SCUBE1: variants seen among roughly 807,000 people sequenced by gnomAD.
The protein encoded by SCUBE1 is signal peptide, CUB domain and EGF like domain containing 1.
Under a neutral mutation model 124.4 loss-of-function variants are expected in SCUBE1, and 59 were observed. The ratio of observed to expected loss-of-function variants is 0.47; its 90% CI spans 0.38 to 0.59. The LOEUF is 0.59. SCUBE1 is among the 20% of genes least tolerant of loss of function. SCUBE1 has a pLI of 0.00. For synonymous variants in SCUBE1, 545 were observed against 550.9 expected (o/e 0.99, Z 0.15); for missense variants, 1,150 against 1,371.2 (o/e 0.84, Z 2.55).
At chr22:43,328,218 C>T (rs1926789983) in intron 2 of SCUBE1, among the ~76,000 whole-genome samples, 1 of 152,190 alleles carries the variant, frequency 6.6e-6, no homozygotes, top group South Asian at 2.1e-4. Flanking sequence ...GCTCTGGCAT[C>T]AGGACTAATG....
intron 21 of SCUBE1, 127 bp downstream of exon 21, chr22:43,207,407 C>A: frequency 1.4e-6 from 1 of 728,858 alleles, no homozygotes. Context: ...AAGCCTCCTG[C>A]TCCTCTCCCA....
In SCUBE1 at chr22:43,301,273, T is replaced by C. The variant is rs111584543; in HGVS notation, c.350-10093A>G. On this transcript the variant is annotated intron_variant, in intron 3 of 21. Transcript: ENST00000360835. ...CCTGCCTCCATCCTGCCTCTGTCCA[T>C]CCTCCATCCCTCATGGACCTCATGC... is the stretch of plus-strand genomic sequence containing the variant. 1.0e-2 allele frequency among the ~76,000 whole-genome samples: 1,520 copies of C among 152,032 alleles called. 29 individuals carry two copies. Among genetic ancestry groups the C allele is most frequent in the African/African-American group, 0.035 (1,456 of 41,450 alleles).
In SCUBE1 at chr22:43,255,126, G is replaced by A. The variant is rs897622510; in HGVS notation, c.727+3093C>T. Among the ~76,000 whole-genome samples, 7 of 152,242 alleles carry A rather than the reference G, an allele frequency of 4.6e-5. No homozygotes were observed. The highest frequency in any genetic ancestry group is 4.1e-4 in the South Asian group (2 of 4,828). The stretch of plus-strand genomic sequence containing the variant: ...CCTAACTGTGAATGTGGGTGTTCAC[G>A]CAAGTCGGGGAGCTTTACGACACAC... On this transcript the variant is annotated intron_variant, in intron 6 of 21. Transcript: ENST00000360835. The surrounding 1 kb of genome is among the most constrained non-coding windows in gnomAD (Gnocchi z 4.7).
At position 43,281,482 on chromosome 22, in the gene SCUBE1, CTCT is replaced by C. The variant is rs1268516161; in HGVS notation, c.484+9561_484+9563del. Among the ~76,000 whole-genome samples the C allele has an allele frequency of 2.0e-3, 190 of 93,918 alleles. 6 individuals carry two copies. The highest frequency in any genetic ancestry group is 6.7e-3 in the East Asian group (10 of 1,492). The allele number at this position is 93,918 out of a possible 152,430, so 61.6% of individuals were successfully genotyped here. The stretch of plus-strand genomic sequence containing the variant: ...CCTCAGCCACCCTCCTGTCACCTCC[CTCT>C]TTGGCCACCCTCCTGTCACCTCCTC... On this transcript the variant is annotated intron_variant, in intron 4 of 21. Coordinates refer to ENST00000360835, the MANE Select transcript of SCUBE1 (RefSeq NM_173050.5).
At chr22:43,323,964 A>C (rs1374015862) in intron 2 of SCUBE1, among the ~76,000 whole-genome samples, 4 of 152,256 alleles carry the variant, frequency 2.6e-5, no homozygotes, top group Admixed American at 6.5e-5. Flanking sequence ...TGAGCTTCCT[A>C]AATGCCAAGA....
chr22:43,243,265 T>G (rs1923078870), intron 6 of SCUBE1, among the ~76,000 whole-genome samples: 1 of 152,204 alleles, frequency 6.6e-6, no homozygotes, highest in Non-Finnish European at 1.5e-5. Context: ...CACCCGCTGG[T>G]GCCCTGGCTT....
chr22:43,253,118 TG>T (rs1923521778), intron 6 of SCUBE1, among the ~76,000 whole-genome samples: 2 of 147,542 alleles, frequency 1.4e-5, no homozygotes, highest in South Asian at 4.3e-4. Flanking sequence ...TAATACAACG[TG>T]GGGGCAGGAT....
At chr22:43,238,352 C>T (rs901770011) in intron 7 of SCUBE1, 1 of 251,290 alleles carries the variant, frequency 4.0e-6, no homozygotes, top group Non-Finnish European at 7.6e-6. Context: ...GACACACTGT[C>T]CTTATTTTTC....
Position 43,211,191 on chromosome 22 carries a change from A to C in SCUBE1, c.2222-108T>G, listed in dbSNP as rs1921537058. Reference sequence around the variant, plus strand: ...TCATGCCCTCGAGGTCTGTTTTGGCACAGAGTTCAAGGCTCCTCCCCACCG... The same window carrying C: ...TCATGCCCTCGAGGTCTGTTTTGGCCCAGAGTTCAAGGCTCCTCCCCACCG... On this transcript the variant is annotated intron_variant, in intron 17 of 21. Transcript: ENST00000360835. This position sits in a 1 kb window ranked among gnomAD's most constrained non-coding sequence, Gnocchi z 4.5. 1.7e-6 allele frequency: 2 copies of C among 1,203,044 alleles called. No homozygotes were observed. The highest frequency in any genetic ancestry group is 2.3e-6 in the Non-Finnish European group (2 of 853,666). 74.5% of individuals were successfully genotyped at this position (1,203,044 alleles called of 1,614,324 possible). A position where few individuals can be genotyped will look rare whatever the true frequency, so the allele number is the denominator to read the frequency against.
chr22:43,343,224 A>AGCAC lies in SCUBE1; in HGVS notation c.34_37dup (p.Leu13ArgfsTer25). On this transcript the variant is annotated frameshift_variant, in exon 1 of 22. Coordinates refer to ENST00000360835, the MANE Select transcript of SCUBE1 (RefSeq NM_173050.5). LOFTEE classifies it high-confidence loss of function. ...CCGCCCGCGTGTGCCCAGGGCCAGC[A>AGCAC]GCACGCACAAGTGCCAGCGCACGGC... 1.6e-6 allele frequency: 2 copies of AGCAC among 1,213,520 alleles called. No homozygotes were observed. Among genetic ancestry groups the AGCAC allele is most frequent in the Non-Finnish European group, 1.0e-6 (1 of 968,918 alleles). 75.2% of individuals were successfully genotyped at this position (1,213,520 alleles called of 1,614,324 possible).
chr22:43,206,048 C>T, intron 21 of SCUBE1, among the ~76,000 whole-genome samples: 1 of 147,048 alleles, frequency 6.8e-6, no homozygotes, highest in Admixed American at 6.7e-5. Context: ...CACTCACCCC[C>T]ACACACACCA....
intron 8 of SCUBE1, among the ~76,000 whole-genome samples, chr22:43,229,392 G>T (rs1338329757): frequency 3.9e-5 from 6 of 152,210 alleles, no homozygotes; most frequent in Admixed American, 3.3e-4. Flanking sequence ...TCTGTTTCTG[G>T]GTTGGGAGCC....
intron 4 of SCUBE1, among the ~76,000 whole-genome samples, chr22:43,266,543 G>C (rs1347593112): frequency 6.6e-6 from 1 of 152,110 alleles, no homozygotes; most frequent in Non-Finnish European, 1.5e-5. Context: ...AGCGCATCTT[G>C]TCTGTCTATC....
intron 2 of SCUBE1, among the ~76,000 whole-genome samples, chr22:43,337,907 T>G (rs1024185330): frequency 6.6e-6 from 1 of 152,240 alleles, no homozygotes; most frequent in Non-Finnish European, 1.5e-5. Context: ...GAAAACTAGC[T>G]GCCAGAGTTG....
Position 43,228,834 on chromosome 22 carries a change from C to T in SCUBE1, c.1084+238G>A, listed in dbSNP as rs538024774. Reference sequence around the variant, plus strand: ...CAGCCCCGTGCCCATCTGGCCAAGGCCTGGCACTGGCAGAGACCTGCTACC... The same window carrying T: ...CAGCCCCGTGCCCATCTGGCCAAGGTCTGGCACTGGCAGAGACCTGCTACC... On this transcript the variant is annotated intron_variant, in intron 9 of 21. Coordinates refer to ENST00000360835, the MANE Select transcript of SCUBE1 (RefSeq NM_173050.5). Among the ~76,000 whole-genome samples, 157 of 152,394 alleles carry T rather than the reference C, an allele frequency of 1.0e-3. No homozygotes were observed. The Middle Eastern group carries it at 0.044, about 43-fold the overall frequency.
At chr22:43,340,566 G>A (rs930241010) in intron 1 of SCUBE1, among the ~76,000 whole-genome samples, 5 of 150,686 alleles carry the variant, frequency 3.3e-5, no homozygotes, top group African/African-American at 1.2e-4. Context: ...GCCTCTTGTC[G>A]GGCACAGTTC....
intron 1 of SCUBE1, among the ~76,000 whole-genome samples, chr22:43,341,729 AGACTCCCCTGCAGGGC>A (rs1461035718): frequency 6.6e-6 from 1 of 152,146 alleles, no homozygotes; most frequent in Non-Finnish European, 1.5e-5. Flanking sequence ...TCTGGGCTGG[AGACTCCCCTGCAGGGC>A]GACCCAGCCC....
intron 3 of SCUBE1, among the ~76,000 whole-genome samples, chr22:43,301,366 A>G (rs1925765460): frequency 6.6e-6 from 1 of 152,052 alleles, no homozygotes; most frequent in African/African-American, 2.4e-5. Flanking sequence ...CACCAAGCCC[A>G]CAGGAACTGC....
intron 4 of SCUBE1, among the ~76,000 whole-genome samples, chr22:43,279,790 A>G (rs760924832): frequency 1.3e-5 from 2 of 152,184 alleles, no homozygotes; most frequent in African/African-American, 2.4e-5. Context: ...TGAGTTCCGA[A>G]AGGACCTGCC....
Sources: allele counts gnomAD v4.1 joint callset (sites outside exome capture counted in the v4.1 genomes callset), GRCh38; gene constraint gnomAD v4.1.1; non-coding constraint Gnocchi (gnomAD v3.1); transcripts MANE v1.5; gene names NCBI Gene and HGNC (gene_info 2026-07-23, HGNC 2026-07-21).